Variants in GLRB observed in about 807,000 individuals in gnomAD.
GLRB encodes glycine receptor subunit beta.
GLRB carries 33 observed loss-of-function variants against 54.2 expected under a neutral mutation model. The observed-to-expected ratio is 0.61, with a 90% confidence interval of 0.46 to 0.81. The LOEUF (loss-of-function observed/expected upper bound fraction) is 0.81, where lower values mean the gene tolerates loss of function less well. Among genes scored for constraint, GLRB ranks in the 40% least tolerant of loss-of-function variants. GLRB has a pLI of 0.00. For synonymous variants in GLRB, 209 were observed against 208.2 expected (o/e 1.00, Z -0.03); for missense variants, 572 against 584.6 (o/e 0.98, Z 0.22).
chr4:157,120,440 C>CAAA (rs1162985785), intron 2 of GLRB, 116 bp from the exon 3 acceptor site: 13 of 393,686 alleles, frequency 3.3e-5, no homozygotes, highest in African/African-American at 3.1e-4. Flanking sequence ...GAAGAAAAAG[C>CAAA]CATACTATAG....
rs1470864610 is a variant in GLRB at position 157,171,561 on chromosome 4, T to G, written c.*833T>G. ...GAGTCATACATCTTTTAAATTGGAA[T>G]GCAGTAATAGATATGTGATTTTACA... is the stretch of plus-strand genomic sequence containing the variant. On this transcript the variant is annotated 3_prime_UTR_variant, in exon 10 of 10. Coordinates refer to ENST00000264428, the MANE Select transcript of GLRB (RefSeq NM_000824.5). The G allele has an allele frequency of 6.6e-6, 1 of 152,306 alleles. No individual in the cohort carries two copies. The highest frequency in any genetic ancestry group is 2.4e-5 in the African/African-American group (1 of 41,426). 9.4% of individuals were successfully genotyped at this position (152,306 alleles called of 1,614,324 possible).
At chr4:157,162,341 G>C (rs565606723) in intron 9 of GLRB, among the ~76,000 whole-genome samples, 1 of 152,112 alleles carries the variant, frequency 6.6e-6, no homozygotes, top group Admixed American at 6.5e-5. Context: ...CTCTCAACTC[G>C]TCAAAGTCAT....
At chr4:157,081,305 C>CATGGTTGTAGTTACCA (rs1734214733) in intron 2 of GLRB, among the ~76,000 whole-genome samples, 1 of 151,978 alleles carries the variant, frequency 6.6e-6, no homozygotes, top group Admixed American at 6.6e-5. Flanking sequence ...TGTAGAAATC[C>CATGGTTGTAGTTACCA]ATGGTTGTAG....
chr4:157,078,170 C>A (rs780022869), intron 2 of GLRB, 24 bp downstream of exon 2: 7 of 1,609,748 alleles, frequency 4.3e-6, no homozygotes, highest in South Asian at 1.1e-5. Context: ...GTCTTATATT[C>A]TTATATGGAG....
intron 2 of GLRB, among the ~76,000 whole-genome samples, chr4:157,103,996 A>C (rs1735132974): frequency 6.6e-6 from 1 of 151,784 alleles, no homozygotes; most frequent in Non-Finnish European, 1.5e-5. Context: ...AGATTATGCC[A>C]TTGGCATACA....
chr4:157,100,722 T>G (rs1173041728), intron 2 of GLRB, among the ~76,000 whole-genome samples: 1 of 152,052 alleles, frequency 6.6e-6, no homozygotes, highest in African/African-American at 2.4e-5. Flanking sequence ...CAGAAACCAG[T>G]TGGGAATGTA....
intron 3 of GLRB, 53 bp from the exon 4 acceptor site, chr4:157,122,277 T>C: frequency 5.4e-6 from 4 of 742,066 alleles, no homozygotes; most frequent in South Asian, 3.6e-5. Flanking sequence ...ACTATGATGA[T>C]TCTGACCAAG....
At chr4:157,098,619 T>G (rs1734901017) in intron 2 of GLRB, among the ~76,000 whole-genome samples, 1 of 152,066 alleles carries the variant, frequency 6.6e-6, no homozygotes, top group Non-Finnish European at 1.5e-5. Context: ...TTCTTTTCTT[T>G]TTTTTTGAGA....
At chr4:157,147,464 TG>T (rs1236682553) in intron 8 of GLRB, among the ~76,000 whole-genome samples, 4 of 147,678 alleles carry the variant, frequency 2.7e-5, no homozygotes, top group African/African-American at 1.1e-4. Flanking sequence ...GGAAAGAAGA[TG>T]AGGGGGGGAT....
intron 2 of GLRB, among the ~76,000 whole-genome samples, chr4:157,083,967 A>T (rs1320445771): frequency 6.6e-6 from 1 of 152,174 alleles, no homozygotes; most frequent in Non-Finnish European, 1.5e-5. Context: ...AAATATAATG[A>T]TCTAATAAAT....
At position 157,086,215 on chromosome 4, in the gene GLRB, A is replaced by G. The variant is rs1035090595; in HGVS notation, c.122+8069A>G. Among the ~76,000 whole-genome samples, 3 of 152,170 alleles carry G rather than the reference A, an allele frequency of 2.0e-5. No individual in the cohort carries two copies. The South Asian group carries it at 6.2e-4, about 31-fold the overall frequency. ...TATGCTTGGACATGTTTATGTTTGG[A>G]ATGACAACTTCTTGCTTAATATATC... On this transcript the variant is annotated intron_variant, in intron 2 of 9. Coordinates refer to ENST00000264428, the MANE Select transcript of GLRB (RefSeq NM_000824.5).
At chr4:157,101,499 A>G (rs190929507) in intron 2 of GLRB, among the ~76,000 whole-genome samples, 6 of 152,102 alleles carry the variant, frequency 3.9e-5, no homozygotes, top group African/African-American at 1.4e-4. Context: ...AATCTCCCCT[A>G]TATTGCCATT....
intron 9 of GLRB, among the ~76,000 whole-genome samples, chr4:157,162,196 A>T (rs916474351): frequency 1.2e-4 from 19 of 152,172 alleles, no homozygotes; most frequent in Non-Finnish European, 1.3e-4. Context: ...TCATTTAAGG[A>T]TTTCTCTACA....
chr4:157,107,311 T>C (rs1340985163), intron 2 of GLRB, among the ~76,000 whole-genome samples: 1 of 152,102 alleles, frequency 6.6e-6, no homozygotes, highest in African/African-American at 2.4e-5. Flanking sequence ...AAGTTAGAAA[T>C]GATTAAGCTT....
At chr4:157,088,937 T>C (rs1734509244) in intron 2 of GLRB, among the ~76,000 whole-genome samples, 1 of 152,200 alleles carries the variant, frequency 6.6e-6, no homozygotes, top group African/African-American at 2.4e-5. Flanking sequence ...TAGGATAAAA[T>C]GGCCTATACT....
chr4:157,117,862 T>C (rs11934192), intron 2 of GLRB, among the ~76,000 whole-genome samples: 63,844 of 151,496 alleles, frequency 0.42, 15,861 homozygotes, highest in African/African-American at 0.7. Flanking sequence ...GGTAATATAC[T>C]CGTAGATAAG....
At chr4:157,099,854 T>G (rs555858570) in intron 2 of GLRB, among the ~76,000 whole-genome samples, 1 of 152,296 alleles carries the variant, frequency 6.6e-6, no homozygotes, top group East Asian at 1.9e-4. Context: ...ATTTTAACCA[T>G]CTTCTGTGAG....
At chr4:157,129,153 C>G (rs1222791632) in intron 4 of GLRB, among the ~76,000 whole-genome samples, 1 of 151,670 alleles carries the variant, frequency 6.6e-6, no homozygotes, top group Admixed American at 6.6e-5. Flanking sequence ...TGGAGACCAT[C>G]CATTTTTTCA....
At chr4:157,115,787 C>A (rs1735586669) in intron 2 of GLRB, among the ~76,000 whole-genome samples, 1 of 151,782 alleles carries the variant, frequency 6.6e-6, no homozygotes, top group Non-Finnish European at 1.5e-5. Context: ...ACAACCAACA[C>A]ATATTACATC....
Sources: allele counts gnomAD v4.1 joint callset (sites outside exome capture counted in the v4.1 genomes callset), GRCh38; gene constraint gnomAD v4.1.1; transcripts MANE v1.5; gene names NCBI Gene and HGNC (gene_info 2026-07-23, HGNC 2026-07-21).